DAPK2: variants seen among roughly 807,000 people sequenced by gnomAD.
DAPK2 encodes the protein death-associated protein kinase 2.
In DAPK2, 35 loss-of-function variants were observed where a neutral mutation model predicts 44.1. The observed-to-expected ratio is 0.79, with a 90% CI of 0.61 to 1.05. The LOEUF is 1.05. DAPK2 is among the 50% of genes least tolerant of loss of function. DAPK2 has a pLI of 0.00. For missense variants in DAPK2, 453 were observed against 483.2 expected (o/e 0.94, Z 0.59); for synonymous variants, 174 against 182.6 (o/e 0.95, Z 0.38).
intron 3 of DAPK2, among the ~76,000 whole-genome samples, chr15:63,968,559 C>T (rs953427189): frequency 1.2e-4 from 18 of 152,208 alleles, no homozygotes; most frequent in African/African-American, 3.6e-4. Context: ...AACACTGTAA[C>T]AAAAGTTCTA....
intron 1 of DAPK2, among the ~76,000 whole-genome samples, chr15:63,984,754 C>T (rs1157783475): frequency 1.3e-5 from 2 of 152,190 alleles, no homozygotes; most frequent in Admixed American, 1.3e-4. Flanking sequence ...AAGGGGCCAG[C>T]AGACTCCAGA....
chr15:63,980,408 G>A lies in DAPK2; in HGVS notation c.314+3125C>T, dbSNP rs945874734. Reference sequence around the variant, plus strand: ...ATAGCTATAAAGATCAATAAATAATGAAACACGTTTCAAAACAAATGACCC... The same window carrying A: ...ATAGCTATAAAGATCAATAAATAATAAAACACGTTTCAAAACAAATGACCC... On this transcript the variant is annotated intron_variant, in intron 2 of 10. Transcript: ENST00000261891. The surrounding 1 kb of genome is among the most constrained non-coding windows in gnomAD (Gnocchi z 4.3). 1.3e-5 allele frequency among the ~76,000 whole-genome samples: 2 copies of A among 152,184 alleles called. No homozygotes were observed. Among genetic ancestry groups the A allele is most frequent in the African/African-American group, 4.8e-5 (2 of 41,440 alleles).
chr15:63,955,703 G>A (rs1281024292), intron 3 of DAPK2, among the ~76,000 whole-genome samples: 1 of 152,094 alleles, frequency 6.6e-6, no homozygotes, highest in Non-Finnish European at 1.5e-5. Flanking sequence ...AACTAACTGG[G>A]ACTACAGGCA....
intron 3 of DAPK2, among the ~76,000 whole-genome samples, chr15:63,942,805 C>T (rs1269203285): frequency 6.6e-6 from 1 of 151,988 alleles, no homozygotes; most frequent in African/African-American, 2.4e-5. Context: ...TCTCTCCCTG[C>T]CTACCACCCT....
Position 63,916,163 on chromosome 15 carries a change from G to T in DAPK2, c.859-3966C>A, listed in dbSNP as rs1445492917. On this transcript the variant is annotated intron_variant, in intron 8 of 10. Transcript: ENST00000261891. This position sits in a 1 kb window ranked among gnomAD's most constrained non-coding sequence, Gnocchi z 4.7. ...GAAAACTGTGGGGTAGTCAAGTTTT[G>T]TTTATGCAGCTGCAAATGCCTTTGA... 2 of 151,568 alleles carry T rather than the reference G, an allele frequency of 1.3e-5. No individual in the cohort carries two copies. Among genetic ancestry groups the T allele is most frequent in the Admixed American group, 1.3e-4 (2 of 15,254 alleles). 9.4% of individuals were successfully genotyped at this position (151,568 alleles called of 1,614,324 possible).
chr15:63,963,315 C>T, intron 3 of DAPK2, among the ~76,000 whole-genome samples: 1 of 152,096 alleles, frequency 6.6e-6, no homozygotes, highest in East Asian at 1.9e-4. Flanking sequence ...AGGCGATGCC[C>T]CTCCCTGCTC....
rs181328342 is a variant in DAPK2, at chr15:63,999,598, T to C, written c.93-15844A>G. Among the ~76,000 whole-genome samples, 168 of 152,252 alleles carry C rather than the reference T, an allele frequency of 1.1e-3. 2 individuals carry two copies. In the South Asian group the frequency reaches 0.028, roughly 25 times the overall value. ...TCCTTTTCATTATTTTAAAACTTTT[T>C]AGCAGAATAATGTACACAAACATGG... On this transcript the variant is annotated intron_variant, in intron 1 of 10. Coordinates refer to ENST00000261891, the Ensembl canonical transcript of DAPK2.
At chr15:63,958,607 G>A (rs902894721) in intron 3 of DAPK2, among the ~76,000 whole-genome samples, 3 of 152,194 alleles carry the variant, frequency 2.0e-5, no homozygotes, top group Non-Finnish European at 4.4e-5. Context: ...TTATTAAAAA[G>A]GGAATCCTTT....
chr15:63,924,251 T>C (rs1804149674), intron 8 of DAPK2, among the ~76,000 whole-genome samples: 1 of 152,068 alleles, frequency 6.6e-6, no homozygotes, highest in African/African-American at 2.4e-5. Context: ...TAGGCAGGGA[T>C]TCATTTTTTT....
intron 1 of DAPK2, among the ~76,000 whole-genome samples, chr15:64,039,697 G>A (rs1171232673): frequency 6.6e-6 from 1 of 152,162 alleles, no homozygotes; most frequent in Admixed American, 6.5e-5. Context: ...AAGATCCCAG[G>A]AAAACTTCAT....
rs935164344 is a variant in DAPK2, at chr15:64,013,701, T to C, written c.92+26469A>G. Among the ~76,000 whole-genome samples, 1 of 152,216 alleles carries C rather than the reference T, an allele frequency of 6.6e-6. No individual in the cohort carries two copies. Among genetic ancestry groups the C allele is most frequent in the East Asian group, 1.9e-4 (1 of 5,192 alleles). ...GGGTGCTATTAAGTGAACAGAGTTA[T>C]AGGTTTCCTGGCAGCGGTGACTGAG... On this transcript the variant is annotated intron_variant, in intron 1 of 10. Coordinates refer to ENST00000261891, the Ensembl canonical transcript of DAPK2. This position sits in a 1 kb window ranked among gnomAD's most constrained non-coding sequence, Gnocchi z 4.7.
At chr15:63,991,323 T>A (rs2078810844) in intron 1 of DAPK2, 1 of 455,190 alleles carries the variant, frequency 2.2e-6, no homozygotes, top group Non-Finnish European at 4.4e-6. Context: ...AGGTGGAGAG[T>A]CTGGAACAAC....
At chr15:63,926,888 A>C (rs935758194) in intron 6 of DAPK2, among the ~76,000 whole-genome samples, 1 of 152,190 alleles carries the variant, frequency 6.6e-6, no homozygotes, top group Non-Finnish European at 1.5e-5. Context: ...GCCACATCTG[A>C]CTGGCCAAAA....
upstream of DAPK2, chr15:64,046,422 G>T: frequency 3.2e-6 from 1 of 309,234 alleles, no homozygotes; most frequent in South Asian, 1.3e-4. This position sits in a 1 kb window ranked among gnomAD's most constrained non-coding sequence, Gnocchi z 5.3. Flanking sequence ...CGCTGGGCTC[G>T]GCCCTGCAGT....
In DAPK2 at chr15:63,912,959, G is replaced by C. The variant is rs11858057; in HGVS notation, c.859-762C>G. Among the ~76,000 whole-genome samples the C allele has an allele frequency of 0.082, 12,508 of 152,102 alleles. 771 individuals carry two copies. The highest frequency in any genetic ancestry group is 0.17 in the African/African-American group (7,247 of 41,460). On this transcript the variant is annotated intron_variant, in intron 8 of 10. Transcript: ENST00000261891. This position sits in a 1 kb window ranked among gnomAD's most constrained non-coding sequence, Gnocchi z 4.4. ...TTGTGAAATCAAGAGATAGGTTTCAGGGGTTCTGTGAACAAAATGTGCCTA... is the reference window on the plus strand; with the variant it reads ...TTGTGAAATCAAGAGATAGGTTTCACGGGTTCTGTGAACAAAATGTGCCTA...
In DAPK2 at chr15:63,939,450, C is replaced by G; in HGVS notation, c.454-89G>C. ...AAAGGCTGGTTGGTTCGTGTTTTGG[C>G]TTTGGGGTTTGGGGTGGGACTTGGT... On this transcript the variant is annotated intron_variant, in intron 3 of 10. Coordinates refer to ENST00000261891, the Ensembl canonical transcript of DAPK2. The surrounding 1 kb of genome is among the most constrained non-coding windows in gnomAD (Gnocchi z 4.3). 7.2e-7 allele frequency: 1 copy of G among 1,385,246 alleles called. No homozygotes were observed. Among genetic ancestry groups the G allele is most frequent in the Non-Finnish European group, 9.7e-7 (1 of 1,029,556 alleles). The allele number at this position is 1,385,246 out of a possible 1,614,324, so 85.8% of individuals were successfully genotyped here.
chr15:64,029,978 T>C (rs750936650), intron 1 of DAPK2: 290 of 152,854 alleles, frequency 1.9e-3, no homozygotes, highest in Non-Finnish European at 3.2e-3. Flanking sequence ...AGCCCCTCTC[T>C]GACACCCCTC....
At chr15:63,921,934 A>G (rs1209294111) in intron 8 of DAPK2, 1 of 152,078 alleles carries the variant, frequency 6.6e-6, no homozygotes, top group African/African-American at 2.4e-5. Context: ...TATGCATTCC[A>G]CCTACACCTG....
intron 3 of DAPK2, among the ~76,000 whole-genome samples, chr15:63,959,794 G>A (rs2077834482): frequency 6.6e-6 from 1 of 152,108 alleles, no homozygotes; most frequent in Admixed American, 6.6e-5. Context: ...GATGTTCATT[G>A]GGGATATTGG....
Sources: allele counts gnomAD v4.1 joint callset (sites outside exome capture counted in the v4.1 genomes callset), GRCh38; gene constraint gnomAD v4.1.1; non-coding constraint Gnocchi (gnomAD v3.1); transcripts MANE v1.5; gene names NCBI Gene and HGNC (gene_info 2026-07-23, HGNC 2026-07-21).